CCS: variants seen among roughly 807,000 people sequenced by gnomAD.
CCS encodes the protein superoxide dismutase copper chaperone.
A neutral mutation model predicts 35.5 loss-of-function variants in CCS; 32 were observed. The observed-to-expected ratio is 0.90, with a 90% CI of 0.68 to 1.21. CCS has a LOEUF of 1.21. Ranked by LOEUF, CCS falls within the 50% of genes most tolerant of loss-of-function variation. The pLI is 0.00. For missense variants in CCS, 342 were observed against 375.4 expected (o/e 0.91, Z 0.73); for synonymous variants, 130 against 147.2 (o/e 0.88, Z 0.84).
chr11:66,595,917 T>C (rs1013627808), intron 2 of CCS, among the ~76,000 whole-genome samples: 1 of 152,228 alleles, frequency 6.6e-6, no homozygotes, highest in Non-Finnish European at 1.5e-5. Context: ...CCTCCTATGC[T>C]GAGGCCTGTC....
At chr11:66,603,542 C>A (rs1427369589) in intron 5 of CCS, among the ~76,000 whole-genome samples, 1 of 151,958 alleles carries the variant, frequency 6.6e-6, no homozygotes, top group Admixed American at 6.6e-5. Flanking sequence ...GAAACCCTGT[C>A]TCTATTAAAA....
intron 5 of CCS, among the ~76,000 whole-genome samples, chr11:66,603,741 G>A (rs1303335509): frequency 6.6e-6 from 1 of 152,180 alleles, no homozygotes; most frequent in Non-Finnish European, 1.5e-5. Flanking sequence ...AGCTACTTGG[G>A]AGGTTGAGGC....
intron 5 of CCS, chr11:66,605,095 G>T: frequency 6.8e-7 from 1 of 1,476,492 alleles, no homozygotes; most frequent in South Asian, 1.3e-5. Context: ...CAGGATTTCA[G>T]TTCCAGGGAG....
At position 66,605,988 on chromosome 11, in the gene CCS, T is replaced by C; in HGVS notation, c.*133T>C. On this transcript the variant is annotated 3_prime_UTR_variant, in exon 8 of 8. Coordinates refer to ENST00000533244, the MANE Select transcript of CCS (RefSeq NM_005125.2). Reference sequence around the variant, plus strand: ...GGGCAGGAGCTGCTGTGGTGTTCCCTTGGCAAATGAAAGTTTTATTTTCGT... The same window carrying C: ...GGGCAGGAGCTGCTGTGGTGTTCCCCTGGCAAATGAAAGTTTTATTTTCGT... 1 of 944,876 alleles carries C rather than the reference T, an allele frequency of 1.1e-6. No individual in the cohort carries two copies. The highest frequency in any genetic ancestry group is 3.0e-5 in the South Asian group (1 of 32,796). The allele number at this position is 944,876 out of a possible 1,614,324, so 58.5% of individuals were successfully genotyped here. A position where few individuals can be genotyped will look rare whatever the true frequency, so the allele number is the denominator to read the frequency against.
In CCS at chr11:66,602,880, G is replaced by A. The variant is rs9988856; in HGVS notation, c.489+2331G>A. On this transcript the variant is annotated intron_variant, in intron 5 of 7. Transcript: ENST00000533244. ...AGGCCACGGTGACTGGCAAGTTGCT[G>A]TTGGGTTTTAGCATCTGCTTTTCCC... 1.8e-3 allele frequency among the ~76,000 whole-genome samples: 278 copies of A among 152,372 alleles called. 2 individuals are homozygous for A. The highest frequency in any genetic ancestry group is 6.4e-3 in the African/African-American group (267 of 41,590).
At chr11:66,599,784 GT>G in intron 4 of CCS, 148 bp downstream of exon 4, 2 of 746,450 alleles carry the variant, frequency 2.7e-6, no homozygotes, top group Non-Finnish European at 4.3e-6. Flanking sequence ...CTTGCCAAAG[GT>G]CCACAGCAGG....
Position 66,605,529 on chromosome 11 carries a change from GAGA to G in CCS, c.612_614del (p.Glu204del). On this transcript the variant is annotated inframe_deletion, in exon 7 of 8. Coordinates refer to ENST00000533244, the MANE Select transcript of CCS (RefSeq NM_005125.2). ...GGCCGCAGCCTGATTATTGATGAGG[GAGA>G]AGATGACCTGGGCCGGGGAGGCCAT... 4 of 1,614,122 alleles carry G rather than the reference GAGA, an allele frequency of 2.5e-6. No homozygotes were observed. Among genetic ancestry groups the G allele is most frequent in the Non-Finnish European group, 3.4e-6 (4 of 1,180,012 alleles).
Position 66,593,217 on chromosome 11 carries a change from T to G in CCS, c.-45T>G. ...GCGACGCCGCGCTGGTTGGTGCTCC[T>G]GCGCCGGAGGAGTTCTGCGTCTCGG... On this transcript the variant is annotated 5_prime_UTR_variant, in exon 1 of 8. Coordinates refer to ENST00000533244, the MANE Select transcript of CCS (RefSeq NM_005125.2). The G allele has an allele frequency of 6.4e-7, 1 of 1,550,494 alleles. No homozygotes were observed. Among genetic ancestry groups the G allele is most frequent in the South Asian group, 1.2e-5 (1 of 84,176 alleles).
chr11:66,602,653 C>A (rs1858589787), intron 5 of CCS, among the ~76,000 whole-genome samples: 1 of 137,576 alleles, frequency 7.3e-6, no homozygotes, highest in Non-Finnish European at 1.6e-5. Flanking sequence ...GCAAGCCCAG[C>A]AAAAGAAACT....
chr11:66,597,908 G>A (rs1253321489), intron 2 of CCS, among the ~76,000 whole-genome samples: 5 of 151,910 alleles, frequency 3.3e-5, no homozygotes, highest in African/African-American at 7.2e-5. Context: ...GTGACAAAGC[G>A]AGACTCCATC....
intron 2 of CCS, among the ~76,000 whole-genome samples, chr11:66,596,998 C>T (rs533992609): frequency 6.6e-6 from 1 of 152,306 alleles, no homozygotes; most frequent in Admixed American, 6.5e-5. Flanking sequence ...TCAGTTTTCT[C>T]ATCTGTAAAA....
At chr11:66,596,601 C>T (rs1858481629) in intron 2 of CCS, among the ~76,000 whole-genome samples, 2 of 151,794 alleles carry the variant, frequency 1.3e-5, no homozygotes, top group Admixed American at 1.3e-4. Context: ...AGGATGGTCT[C>T]GATCTCCTGA....
intron 2 of CCS, among the ~76,000 whole-genome samples, chr11:66,594,098 C>A (rs1858431794): frequency 6.6e-6 from 1 of 152,192 alleles, no homozygotes; most frequent in Non-Finnish European, 1.5e-5. Flanking sequence ...GTGGCTCATG[C>A]CTGTAATCCC....
intron 7 of CCS, 44 bp downstream of exon 7, chr11:66,605,636 G>A: frequency 6.3e-7 from 1 of 1,593,050 alleles, no homozygotes; most frequent in Non-Finnish European, 8.6e-7. Context: ...TCTGCGGATG[G>A]TGCATGAGGA....
At chr11:66,601,033 T>C (rs532761367) in intron 5 of CCS, among the ~76,000 whole-genome samples, 63 of 152,364 alleles carry the variant, frequency 4.1e-4, no homozygotes, top group African/African-American at 1.5e-3. Flanking sequence ...GTGTGTTGCC[T>C]TAATGATTTT....
In CCS at chr11:66,599,228, CA is replaced by C; in HGVS notation, c.227del (p.Lys76ArgfsTer33). Reference protein sequence around the residue: ...LEGTGRQAVLKGMGSGQLQNL... With the variant: ...LEGTGRQAVLXGMGSGQLQNL... ...AAGGCACGGGGCGGCAGGCGGTACT[CA>C]AGGGCATGGGCAGCGGCCAGTTGCG... is the stretch of plus-strand genomic sequence containing the variant. On this transcript the variant is annotated frameshift_variant, in exon 3 of 8. Coordinates refer to ENST00000533244, the MANE Select transcript of CCS (RefSeq NM_005125.2). LOFTEE classifies it high-confidence loss of function. 6.2e-7 allele frequency: 1 copy of C among 1,611,316 alleles called. No individual in the cohort carries two copies. The highest frequency in any genetic ancestry group is 8.5e-7 in the Non-Finnish European group (1 of 1,178,752).
intron 5 of CCS, 26 bp from the exon 6 acceptor site, chr11:66,605,313 T>C: frequency 1.2e-6 from 2 of 1,613,898 alleles, no homozygotes; most frequent in Non-Finnish European, 1.7e-6. Flanking sequence ...ACACATCCCC[T>C]ATACACACAC....
At chr11:66,602,155 CT>C (rs1209836186) in intron 5 of CCS, among the ~76,000 whole-genome samples, 1 of 152,228 alleles carries the variant, frequency 6.6e-6, no homozygotes, top group African/African-American at 2.4e-5. Flanking sequence ...TAATCTGCTG[CT>C]GCAAATCAAA....
chr11:66,601,673 A>AT (rs1858573705), intron 5 of CCS, among the ~76,000 whole-genome samples: 1 of 151,746 alleles, frequency 6.6e-6, no homozygotes, highest in South Asian at 2.1e-4. Flanking sequence ...GGCTCAAGCA[A>AT]TCCTCCCACC....
Sources: allele counts gnomAD v4.1 joint callset (sites outside exome capture counted in the v4.1 genomes callset), GRCh38; gene constraint gnomAD v4.1.1; transcripts MANE v1.5; gene names NCBI Gene and HGNC (gene_info 2026-07-23, HGNC 2026-07-21).